SGMS1: variants seen among roughly 807,000 people sequenced by gnomAD.
SGMS1 encodes sphingomyelin synthase 1.
A neutral mutation model predicts 46.2 loss-of-function variants in SGMS1; 13 were observed. The observed-to-expected ratio is 0.28, with a 90% CI of 0.18 to 0.45. The LOEUF (loss-of-function observed/expected upper bound fraction) is 0.45. Among genes scored for constraint, SGMS1 ranks in the 20% least tolerant of loss-of-function variants. The pLI, the probability that SGMS1 is intolerant of heterozygous loss-of-function variation, is 1.00. For synonymous variants in SGMS1, 203 were observed against 187.8 expected (o/e 1.08, Z -0.66); for missense variants, 324 against 519.9 (o/e 0.62, Z 3.66).
At chr10:50,479,780 TTTATATATACATCA>T (rs1195036224) in intron 3 of SGMS1, among the ~76,000 whole-genome samples, 2 of 152,102 alleles carry the variant, frequency 1.3e-5, no homozygotes, top group African/African-American at 4.8e-5. Context: ...ATATATATTT[TTTATATATACATCA>T]TTATATGGAT....
At chr10:50,625,066 C>G, upstream of SGMS1, 1 of 995,070 alleles carries the variant, frequency 1.0e-6, no homozygotes, top group Non-Finnish European at 1.2e-6. Flanking sequence ...CTGGCCACCG[C>G]TCGGCACCTG....
At chr10:50,351,926 T>C (rs1848025417) in intron 6 of SGMS1, among the ~76,000 whole-genome samples, 1 of 152,142 alleles carries the variant, frequency 6.6e-6, no homozygotes, top group Non-Finnish European at 1.5e-5. Context: ...AACCTACACT[T>C]CTTATCTATT....
At chr10:50,455,616 C>T (rs1339946264) in intron 5 of SGMS1, among the ~76,000 whole-genome samples, 1 of 152,180 alleles carries the variant, frequency 6.6e-6, no homozygotes, top group Non-Finnish European at 1.5e-5. Flanking sequence ...ACAAAAACCA[C>T]TAAAATCTTT....
intron 5 of SGMS1, among the ~76,000 whole-genome samples, chr10:50,445,386 T>C (rs1203391): frequency 0.86 from 130,535 of 152,220 alleles, 56,211 homozygotes; most frequent in East Asian, 1. Flanking sequence ...TGAAAACTTG[T>C]GAACTTGTGT....
At chr10:50,507,995 A>G (rs1215423755) in intron 3 of SGMS1, among the ~76,000 whole-genome samples, 1 of 152,114 alleles carries the variant, frequency 6.6e-6, no homozygotes, top group African/African-American at 2.4e-5. Context: ...AACAGATCCC[A>G]TGAGGGACAA....
At chr10:50,382,135 G>A (rs1304389623) in intron 6 of SGMS1, among the ~76,000 whole-genome samples, 1 of 152,106 alleles carries the variant, frequency 6.6e-6, no homozygotes, top group Non-Finnish European at 1.5e-5. Context: ...TTACATGGTA[G>A]TAACCTTAGA....
chr10:50,534,401 G>T (rs115826046), intron 2 of SGMS1, among the ~76,000 whole-genome samples: 1 of 152,094 alleles, frequency 6.6e-6, no homozygotes, highest in African/African-American at 2.4e-5. Flanking sequence ...TTGAACCAAC[G>T]CAATATTTTG....
At chr10:50,478,464 T>C (rs1837447671) in intron 3 of SGMS1, among the ~76,000 whole-genome samples, 2 of 152,144 alleles carry the variant, frequency 1.3e-5, no homozygotes, top group African/African-American at 4.8e-5. Flanking sequence ...TACCTATCTA[T>C]CCCTTGATAA....
intron 6 of SGMS1, among the ~76,000 whole-genome samples, chr10:50,420,258 C>G (rs754471006): frequency 6.6e-6 from 1 of 152,216 alleles, no homozygotes; most frequent in Non-Finnish European, 1.5e-5. Flanking sequence ...ATCATCTGAG[C>G]TCCCTCTTTT....
chr10:50,551,700 C>G (rs1838149841), intron 2 of SGMS1, among the ~76,000 whole-genome samples: 1 of 152,014 alleles, frequency 6.6e-6, no homozygotes, highest in Admixed American at 6.6e-5. Context: ...TTTTACAAAA[C>G]TGTCTTTGGC....
chr10:50,520,024 T>C (rs1837844017), intron 2 of SGMS1, 103 bp from the exon 3 acceptor site: 1 of 152,178 alleles, frequency 6.6e-6, no homozygotes, highest in Non-Finnish European at 1.5e-5. Context: ...AATTAAAAAC[T>C]TGATTTGTGA....
chr10:50,549,858 A>G (rs1838133924), intron 2 of SGMS1, among the ~76,000 whole-genome samples: 1 of 152,212 alleles, frequency 6.6e-6, no homozygotes, highest in African/African-American at 2.4e-5. Flanking sequence ...AAAAACAAAT[A>G]AGTATTCCCA....
chr10:50,315,231 GTATAAT>G (rs1008328469), intron 8 of SGMS1, among the ~76,000 whole-genome samples: 2 of 152,202 alleles, frequency 1.3e-5, no homozygotes, highest in African/African-American at 4.8e-5. Context: ...ACAATGTTTG[GTATAAT>G]TATAACTGTT....
chr10:50,461,577 T>G (rs1452928209), intron 4 of SGMS1, among the ~76,000 whole-genome samples: 2 of 152,200 alleles, frequency 1.3e-5, no homozygotes, highest in Non-Finnish European at 2.9e-5. Flanking sequence ...CTTTTCAGGA[T>G]CATATAAGCC....
At chr10:50,591,991 C>G (rs1464884738) in intron 1 of SGMS1, among the ~76,000 whole-genome samples, 1 of 152,242 alleles carries the variant, frequency 6.6e-6, no homozygotes, top group South Asian at 2.1e-4. Context: ...GCTCTCAGGC[C>G]TATCTCCTCC....
intron 2 of SGMS1, among the ~76,000 whole-genome samples, chr10:50,524,693 AC>A (rs1232523116): frequency 6.6e-6 from 1 of 152,220 alleles, no homozygotes; most frequent in Non-Finnish European, 1.5e-5. Context: ...AAGAAAGACT[AC>A]ACAGCGTCCC....
At chr10:50,358,937 C>G (rs1268756204) in intron 6 of SGMS1, among the ~76,000 whole-genome samples, 1 of 152,164 alleles carries the variant, frequency 6.6e-6, no homozygotes, top group Non-Finnish European at 1.5e-5. Flanking sequence ...GCTGAAGGAC[C>G]TACACATTTA....
intron 3 of SGMS1, among the ~76,000 whole-genome samples, chr10:50,488,560 C>A (rs1270890054): frequency 5.3e-5 from 8 of 152,164 alleles, no homozygotes; most frequent in Non-Finnish European, 8.8e-5. Flanking sequence ...AACATAACAT[C>A]AGTATAGGTG....
chr10:50,521,685 C>T lies in SGMS1; in HGVS notation c.-588-1764G>A, dbSNP rs530144272. Among the ~76,000 whole-genome samples, 4 of 152,178 alleles carry T rather than the reference C, an allele frequency of 2.6e-5. No individual in the cohort carries two copies. The South Asian group carries it at 8.3e-4, about 32-fold the overall frequency. On this transcript the variant is annotated intron_variant, in intron 2 of 10. Transcript: ENST00000361781. ...CCCCCTTTTTATATTAATAGAACAT[C>T]TCTATTTTGACTTTCATGACATTTC...
Sources: allele counts gnomAD v4.1 joint callset (sites outside exome capture counted in the v4.1 genomes callset), GRCh38; gene constraint gnomAD v4.1.1; transcripts MANE v1.5; gene names NCBI Gene and HGNC (gene_info 2026-07-23, HGNC 2026-07-21).